The following YIPF1 variants were observed in gnomAD, a reference collection of about 807,000 sequenced individuals.
YIPF1 encodes the protein Yip1 domain family member 1.
In YIPF1, 22 loss-of-function variants were observed where a neutral mutation model predicts 37.0. The observed-to-expected ratio is 0.59, with a 90% CI of 0.42 to 0.85. The LOEUF (loss-of-function observed/expected upper bound fraction) is 0.85. Ranked by LOEUF, YIPF1 falls within the 40% of genes least tolerant of loss-of-function variation. The pLI, the probability that YIPF1 is intolerant of heterozygous loss-of-function variation, is 0.00. For synonymous variants in YIPF1, 128 were observed against 131.9 expected (o/e 0.97, Z 0.21); for missense variants, 355 against 373.1 (o/e 0.95, Z 0.40).
intron 7 of YIPF1, among the ~76,000 whole-genome samples, chr1:53,867,803 A>C (rs891755120): frequency 4.1e-4 from 63 of 152,188 alleles, no homozygotes; most frequent in Non-Finnish European, 7.6e-4. Flanking sequence ...CTCCAGTTAT[A>C]CTTTCTTCCT....
chr1:53,859,693 G>T (rs1649814173), intron 10 of YIPF1, among the ~76,000 whole-genome samples: 1 of 151,758 alleles, frequency 6.6e-6, no homozygotes, highest in African/African-American at 2.4e-5. Flanking sequence ...GTAAGAAAAA[G>T]AAAAAAGAAA....
rs559948872 is a variant in YIPF1, at chr1:53,865,148, A to T, written c.831+1052T>A. 2.6e-5 allele frequency among the ~76,000 whole-genome samples: 4 copies of T among 152,278 alleles called. No individual in the cohort carries two copies. In the East Asian group the frequency reaches 7.7e-4, roughly 29 times the overall value. On this transcript the variant is annotated intron_variant, in intron 9 of 10. Transcript: ENST00000072644. ...ATCTGACTTCATTTTCAAGCTTTCT[A>T]CCTTCAAATTTAAAACTTTTAATTC...
intron 10 of YIPF1, among the ~76,000 whole-genome samples, chr1:53,856,226 C>T (rs889349262): frequency 1.3e-5 from 2 of 152,182 alleles, no homozygotes; most frequent in Non-Finnish European, 2.9e-5. Context: ...AGCGCAGAGG[C>T]GTCAAATCTG....
chr1:53,870,160 C>CTTTTTTTTTTTTTTTTT (rs753978320), intron 7 of YIPF1, among the ~76,000 whole-genome samples: 1 of 91,196 alleles, frequency 1.1e-5, no homozygotes, highest in African/African-American at 4.4e-5. Context: ...CACCGGGTCT[C>CTTTTTTTTTTTTTTTTT]TTTTTTTTTT....
At chr1:53,884,193 C>G (rs1650577917) in intron 3 of YIPF1, among the ~76,000 whole-genome samples, 1 of 141,508 alleles carries the variant, frequency 7.1e-6, no homozygotes, top group Non-Finnish European at 1.5e-5. Flanking sequence ...CGTGATCATA[C>G]CACTGTACTC....
At chr1:53,880,838 C>T (rs1650471184) in intron 4 of YIPF1, among the ~76,000 whole-genome samples, 1 of 152,136 alleles carries the variant, frequency 6.6e-6, no homozygotes, top group African/African-American at 2.4e-5. Context: ...ATAAATAGTG[C>T]TGGGAGAACT....
chr1:53,858,464 T>A (rs1284742380), intron 10 of YIPF1, among the ~76,000 whole-genome samples: 1 of 152,208 alleles, frequency 6.6e-6, no homozygotes. Context: ...TTTGATTTTA[T>A]TGCTGAGCAC....
intron 9 of YIPF1, among the ~76,000 whole-genome samples, chr1:53,862,352 G>A (rs6588492): frequency 0.62 from 94,779 of 151,990 alleles, 30,277 homozygotes; most frequent in East Asian, 0.86. Context: ...GTCTATGTCC[G>A]GTCCGGATCT....
intron 9 of YIPF1, among the ~76,000 whole-genome samples, chr1:53,864,940 T>C (rs1488819564): frequency 6.6e-6 from 1 of 152,140 alleles, no homozygotes; most frequent in Non-Finnish European, 1.5e-5. Flanking sequence ...GATTAAGAAA[T>C]TAAGATTCAG....
intron 7 of YIPF1, among the ~76,000 whole-genome samples, chr1:53,871,012 C>CAAAAAAAA: frequency 1.5e-5 from 1 of 65,268 alleles, no homozygotes; most frequent in Non-Finnish European, 2.9e-5. Context: ...GTCACTGTCT[C>CAAAAAAAA]AAAAAAAAAA....
intron 4 of YIPF1, among the ~76,000 whole-genome samples, chr1:53,879,097 T>C (rs1009281520): frequency 3.8e-5 from 5 of 131,922 alleles, no homozygotes; most frequent in African/African-American, 1.4e-4. Flanking sequence ...TAAATATCTT[T>C]TCGCTTTTTT....
rs1491023801 is a variant in YIPF1 at position 53,881,260 on chromosome 1, AAG to A, written c.195+1851_195+1852del. Among the ~76,000 whole-genome samples the A allele has an allele frequency of 9.3e-3, 1,095 of 117,510 alleles. 32 individuals are homozygous for A. The highest frequency in any genetic ancestry group is 0.087 in the East Asian group (372 of 4,300). The allele number at this position is 117,510 out of a possible 152,430, so 77.1% of individuals were successfully genotyped here. A position where few individuals can be genotyped will look rare whatever the true frequency, so the allele number is the denominator to read the frequency against. On this transcript the variant is annotated intron_variant, in intron 4 of 10. Transcript: ENST00000072644. ...ACTCCATCTCAAAAAAAAAAAAAAA[AAG>A]AAAAAGAAAGAAAATCTAGGGAATA...
chr1:53,879,868 C>A (rs1193766059), intron 4 of YIPF1, among the ~76,000 whole-genome samples: 2 of 152,078 alleles, frequency 1.3e-5, no homozygotes, highest in Admixed American at 6.6e-5. Context: ...AGTAGCTCGA[C>A]CCACGGAGAA....
rs968381939 is a variant in YIPF1, at chr1:53,885,728, C to T, written c.32-2452G>A. On this transcript the variant is annotated intron_variant, in intron 3 of 10. Transcript: ENST00000072644. The stretch of plus-strand genomic sequence containing the variant: ...CCCAGCTACTCAGGAGGGTGAGGCA[C>T]AAGAATCGCTTGAAATGGGAGGTGA... Among the ~76,000 whole-genome samples, 50 of 140,332 alleles carry T rather than the reference C, an allele frequency of 3.6e-4. 1 individual carries two copies. The highest frequency in any genetic ancestry group is 1.3e-3 in the African/African-American group (49 of 36,896). The allele number at this position is 140,332 out of a possible 152,430, so 92.1% of individuals were successfully genotyped here. A position where few individuals can be genotyped will look rare whatever the true frequency, so the allele number is the denominator to read the frequency against.
intron 7 of YIPF1, among the ~76,000 whole-genome samples, chr1:53,867,473 C>T (rs967771887): frequency 2.7e-5 from 4 of 150,628 alleles, no homozygotes; most frequent in East Asian, 3.9e-4. Flanking sequence ...CCCGGGTTCA[C>T]GCCATTCTCC....
Position 53,866,913 on chromosome 1 carries a change from C to G in YIPF1, c.493G>C (p.Ala165Pro). ...CAGGCATAGGCATAGATGATGGTAG[C>G]TGCTATGGACACTGAGGATGACAGG... ...VPEFRKVSIA[A>P]TIIYAYAWLV... The change falls in exon 8 of 11, where the codon GCT (alanine) becomes CCT (proline). Residue 165 changes from alanine (A) to proline (P), a missense_variant. Physicochemically the swap from Ala to Pro is conservative, Grantham distance 27 (BLOSUM62 -1). Transcript: ENST00000072644. 1 of 1,610,940 alleles carries G rather than the reference C, an allele frequency of 6.2e-7. No homozygotes were observed. Among genetic ancestry groups the G allele is most frequent in the Non-Finnish European group, 8.5e-7 (1 of 1,178,674 alleles).
At chr1:53,872,575 T>C (rs1222563869) in intron 6 of YIPF1, among the ~76,000 whole-genome samples, 1 of 152,188 alleles carries the variant, frequency 6.6e-6, no homozygotes, top group African/African-American at 2.4e-5. Context: ...AATACTATCT[T>C]TAGATTGAGA....
intron 6 of YIPF1, among the ~76,000 whole-genome samples, chr1:53,878,031 C>T (rs1028798196): frequency 1.3e-5 from 2 of 152,242 alleles, no homozygotes; most frequent in African/African-American, 4.8e-5. Context: ...ATCCTCCCAT[C>T]TTAGCCTTCC....
At chr1:53,886,435 T>G (rs1313796120) in intron 3 of YIPF1, among the ~76,000 whole-genome samples, 1 of 151,966 alleles carries the variant, frequency 6.6e-6, no homozygotes, top group Admixed American at 6.5e-5. Flanking sequence ...TCCTGGCATA[T>G]CCTAAGCTAG....
Sources: gnomAD v4.1 joint callset for allele counts (sites outside exome capture counted in the v4.1 genomes callset) on GRCh38, gnomAD v4.1.1 for gene constraint, MANE v1.5 for transcripts, NCBI Gene and HGNC (gene_info 2026-07-23, HGNC 2026-07-21) for gene names.